Variants in TASP1 observed in about 807,000 individuals in gnomAD.
The protein encoded by TASP1 is threonine aspartase 1.
In TASP1, 16 loss-of-function variants were observed where a neutral mutation model predicts 56.6. The ratio of observed to expected loss-of-function variants is 0.28; its 90% CI spans 0.19 to 0.43. The LOEUF is 0.43. Ranked by LOEUF, TASP1 falls within the 20% of genes least tolerant of loss-of-function variation. The pLI, the probability that TASP1 is intolerant of heterozygous loss-of-function variation, is 1.00. For synonymous variants in TASP1, 179 were observed against 184.2 expected (o/e 0.97, Z 0.23); for missense variants, 393 against 511.6 (o/e 0.77, Z 2.24).
At position 13,503,650 on chromosome 20, in the gene TASP1, A is replaced by G. The variant is rs902721246; in HGVS notation, c.875-20313T>C. On this transcript the variant is annotated intron_variant, in intron 10 of 13. Transcript: ENST00000337743. ...TGGAGATCTACAAATTGTCTGAAAAATAATTCAAAATAATTGTTTTTGGGA... is the reference window on the plus strand; with the variant it reads ...TGGAGATCTACAAATTGTCTGAAAAGTAATTCAAAATAATTGTTTTTGGGA... 2.1e-4 allele frequency among the ~76,000 whole-genome samples: 32 copies of G among 152,330 alleles called. No homozygotes were observed. In the East Asian group the frequency reaches 3.1e-3, roughly 15 times the overall value.
the TASP1 span, among the ~76,000 whole-genome samples, chr20:13,329,970 T>G: frequency 1.3e-5 from 2 of 151,010 alleles, no homozygotes; most frequent in Non-Finnish European, 2.9e-5. Context: ...TTTTTTTTTT[T>G]AATCAAGTCA....
chr20:13,637,401 G>A (rs1254267480), intron 1 of TASP1, among the ~76,000 whole-genome samples: 1 of 152,166 alleles, frequency 6.6e-6, no homozygotes, highest in Admixed American at 6.5e-5. Flanking sequence ...ATACTCAAGA[G>A]AACTGAAAAC....
the TASP1 span, among the ~76,000 whole-genome samples, chr20:13,330,981 T>A: frequency 6.6e-6 from 1 of 152,142 alleles, no homozygotes; most frequent in Admixed American, 6.5e-5. Flanking sequence ...GTTGTATTGT[T>A]TTTGTTTGTT....
rs553212837 is a variant in TASP1, at chr20:13,607,614, C to T, written c.282+15832G>A. Among the ~76,000 whole-genome samples the T allele has an allele frequency of 9.2e-5, 14 of 152,288 alleles. No individual in the cohort carries two copies. The South Asian group carries it at 2.7e-3, about 29-fold the overall frequency. ...AATCTTCCTTTAACGAGAAGTCAGA[C>T]ATTAACAGGAAATTACTAATATGTT... On this transcript the variant is annotated intron_variant, in intron 4 of 13. Transcript: ENST00000337743.
At chr20:13,521,175 G>A (rs1287281942) in intron 10 of TASP1, among the ~76,000 whole-genome samples, 4 of 152,248 alleles carry the variant, frequency 2.6e-5, no homozygotes, top group South Asian at 2.1e-4. Flanking sequence ...CACTGTTGGT[G>A]GGACTGTAAA....
chr20:13,422,354 T>C, intron 12 of TASP1, among the ~76,000 whole-genome samples: 1 of 152,240 alleles, frequency 6.6e-6, no homozygotes, highest in East Asian at 1.9e-4. Flanking sequence ...AGTTACACAA[T>C]AATGCTGTCC....
At chr20:13,281,708 A>G in the TASP1 span, among the ~76,000 whole-genome samples, 1 of 152,160 alleles carries the variant, frequency 6.6e-6, no homozygotes, top group Non-Finnish European at 1.5e-5. Context: ...TTAGGTTGGA[A>G]GATAGGAATG....
intron 12 of TASP1, among the ~76,000 whole-genome samples, chr20:13,421,014 A>G (rs1334462057): frequency 1.3e-5 from 2 of 152,136 alleles, no homozygotes; most frequent in African/African-American, 4.8e-5. Context: ...TCTCTTAAGG[A>G]AAGCTTTTAA....
the TASP1 span, among the ~76,000 whole-genome samples, chr20:13,320,510 C>T: frequency 6.6e-6 from 1 of 152,048 alleles, no homozygotes; most frequent in Non-Finnish European, 1.5e-5. Flanking sequence ...TTTAGAAAGA[C>T]CCAAATATAT....
At chr20:13,276,677 C>A in the TASP1 span, among the ~76,000 whole-genome samples, 1 of 152,054 alleles carries the variant, frequency 6.6e-6, no homozygotes, top group Non-Finnish European at 1.5e-5. Flanking sequence ...GTTTGGAAAT[C>A]TGTGCTCACT....
chr20:13,599,325 C>T (rs1364734322), intron 4 of TASP1, among the ~76,000 whole-genome samples: 1 of 152,148 alleles, frequency 6.6e-6, no homozygotes, highest in Non-Finnish European at 1.5e-5. Context: ...GGCACATATA[C>T]ACCATGGAAT....
At chr20:13,446,955 C>G (rs1015033906) in intron 11 of TASP1, among the ~76,000 whole-genome samples, 29 of 152,066 alleles carry the variant, frequency 1.9e-4, no homozygotes, top group African/African-American at 5.6e-4. Context: ...TAGATTGTTA[C>G]CAATTTTGGT....
chr20:13,308,264 G>A, the TASP1 span, among the ~76,000 whole-genome samples: 4 of 152,162 alleles, frequency 2.6e-5, 1 homozygote, highest in African/African-American at 9.7e-5. Flanking sequence ...TGAATCTGAT[G>A]TAACTCAGAT....
intron 6 of TASP1, among the ~76,000 whole-genome samples, chr20:13,576,377 G>A (rs1214284003): frequency 2.8e-5 from 2 of 71,212 alleles, no homozygotes; most frequent in African/African-American, 7.5e-5. Context: ...AAGAAAGAAA[G>A]AAAGAAAGAA....
the TASP1 span, among the ~76,000 whole-genome samples, chr20:13,179,440 T>C: frequency 3.3e-5 from 5 of 151,754 alleles, no homozygotes; most frequent in Non-Finnish European, 5.9e-5. Flanking sequence ...TGTGTGTGTG[T>C]ATAATCTTCC....
At chr20:13,374,731 G>A in the TASP1 span, among the ~76,000 whole-genome samples, 1 of 151,974 alleles carries the variant, frequency 6.6e-6, no homozygotes, top group Non-Finnish European at 1.5e-5. Context: ...TCCCTTTCTG[G>A]GTCTTGTTTT....
the TASP1 span, among the ~76,000 whole-genome samples, chr20:13,269,934 A>AGGATGGATGGATGGAC: frequency 1.3e-5 from 2 of 149,798 alleles, no homozygotes; most frequent in Admixed American, 1.3e-4. Context: ...TGTGGGTGGA[A>AGGATGGATGGATGGAC]GGATGGATGG....
chr20:13,620,244 T>C (rs960496674), intron 4 of TASP1, among the ~76,000 whole-genome samples: 6 of 151,160 alleles, frequency 4.0e-5, no homozygotes, highest in Non-Finnish European at 7.4e-5. Context: ...ACTCTGTGTG[T>C]GTGTGTGTCT....
intron 4 of TASP1, among the ~76,000 whole-genome samples, chr20:13,602,114 C>T (rs780762761): frequency 7.9e-5 from 12 of 151,802 alleles, no homozygotes; most frequent in Non-Finnish European, 1.6e-4. Context: ...CTCCTGACCT[C>T]GTGATCTGCC....
Sources: allele counts gnomAD v4.1 joint callset (sites outside exome capture counted in the v4.1 genomes callset), GRCh38; gene constraint gnomAD v4.1.1; transcripts MANE v1.5; gene names NCBI Gene and HGNC (gene_info 2026-07-23, HGNC 2026-07-21).